Variants in PRKN observed in about 807,000 individuals in gnomAD.
PRKN encodes E3 ubiquitin-protein ligase parkin.
In PRKN, 56 loss-of-function variants were observed where a neutral mutation model predicts 59.5. That is an observed-to-expected ratio of 0.94 (90% CI 0.76 to 1.18). The LOEUF is 1.18. Ranked by LOEUF, PRKN falls within the 50% of genes most tolerant of loss-of-function variation. PRKN has a pLI of 0.00. For synonymous variants in PRKN, 250 were observed against 222.1 expected, an observed-to-expected ratio of 1.13 and a Z score of -1.12; for missense variants, 657 against 596.4, an observed-to-expected ratio of 1.10 and a Z score of -1.06.
intron 6 of PRKN, among the ~76,000 whole-genome samples, chr6:161,872,351 T>C (rs1416666467): frequency 2.0e-5 from 3 of 152,188 alleles, no homozygotes; most frequent in Non-Finnish European, 4.4e-5. Flanking sequence ...CATTTATATA[T>C]TTAAACAGGG....
chr6:162,542,538 T>G (rs567443843), intron 1 of PRKN, among the ~76,000 whole-genome samples: 1 of 152,292 alleles, frequency 6.6e-6, no homozygotes, highest in Admixed American at 6.5e-5. Flanking sequence ...GCTGGTTAAT[T>G]ATCAGAGACA....
intron 7 of PRKN, among the ~76,000 whole-genome samples, chr6:161,676,471 C>T (rs1316566629): frequency 5.3e-5 from 8 of 152,146 alleles, no homozygotes; most frequent in Non-Finnish European, 1.2e-4. Flanking sequence ...GAAAAAATTT[C>T]AAAGAATACT....
At chr6:161,555,924 C>T (rs1482274154) in intron 8 of PRKN, among the ~76,000 whole-genome samples, 1 of 152,154 alleles carries the variant, frequency 6.6e-6, no homozygotes, top group Non-Finnish European at 1.5e-5. Flanking sequence ...ATTTTACCTA[C>T]AAAAATAATT....
At chr6:162,656,616 C>T (rs1778651221) in intron 1 of PRKN, among the ~76,000 whole-genome samples, 1 of 152,102 alleles carries the variant, frequency 6.6e-6, no homozygotes, top group African/African-American at 2.4e-5. Flanking sequence ...TAATTACCTC[C>T]TACCATTCTT....
intron 7 of PRKN, among the ~76,000 whole-genome samples, chr6:161,672,227 T>C (rs1323605668): frequency 6.6e-6 from 1 of 152,120 alleles, no homozygotes; most frequent in Non-Finnish European, 1.5e-5. Context: ...ACTAAATGTA[T>C]AAATTGTATT....
chr6:161,606,720 A>G (rs1782295144), intron 7 of PRKN, among the ~76,000 whole-genome samples: 1 of 152,218 alleles, frequency 6.6e-6, no homozygotes, highest in Admixed American at 6.5e-5. Context: ...GTGCAGCACC[A>G]CCGGAAGGCC....
intron 6 of PRKN, among the ~76,000 whole-genome samples, chr6:161,863,364 A>G (rs976621820): frequency 6.6e-6 from 1 of 151,902 alleles, no homozygotes; most frequent in Non-Finnish European, 1.5e-5. Flanking sequence ...GTTGTTGTGT[A>G]TACGTTTTTA....
intron 1 of PRKN, among the ~76,000 whole-genome samples, chr6:162,658,815 T>A (rs1025929658): frequency 6.6e-6 from 1 of 152,000 alleles, no homozygotes; most frequent in Admixed American, 6.6e-5. Flanking sequence ...ATATAAGTCA[T>A]GTGAATTGCA....
chr6:162,340,456 A>G (rs1784124422), intron 2 of PRKN, among the ~76,000 whole-genome samples: 2 of 152,222 alleles, frequency 1.3e-5, no homozygotes. Context: ...ATTTCCCTGT[A>G]GAAAACTGGC....
intron 2 of PRKN, among the ~76,000 whole-genome samples, chr6:162,389,025 C>CAAAAAAAAAAAAAAAAAAAAAAAAAA (rs59423044): frequency 8.7e-6 from 1 of 114,472 alleles, no homozygotes; most frequent in African/African-American, 3.5e-5. Flanking sequence ...AAAAAAAAAA[C>CAAAAAAAAAAAAAAAAAAAAAAAAAA]AAAAAAACCT....
At chr6:161,898,126 ATAATTGATACTTG>A (rs1284056571) in intron 6 of PRKN, among the ~76,000 whole-genome samples, 1 of 152,134 alleles carries the variant, frequency 6.6e-6, no homozygotes, top group Admixed American at 6.6e-5. Flanking sequence ...CAAAATCACT[ATAATTGATACTTG>A]TAATTGATAC....
At chr6:162,600,889 A>G (rs1240417382) in intron 1 of PRKN, among the ~76,000 whole-genome samples, 3 of 145,012 alleles carry the variant, frequency 2.1e-5, no homozygotes, top group African/African-American at 7.3e-5. Context: ...CAACTTGCAG[A>G]ACCATAAGCC....
intron 2 of PRKN, among the ~76,000 whole-genome samples, chr6:162,291,446 T>G (rs760654411): frequency 1.3e-5 from 2 of 152,060 alleles, no homozygotes; most frequent in Non-Finnish European, 2.9e-5. Flanking sequence ...CATGCCACTT[T>G]CCAGCCCCAC....
At chr6:161,957,417 T>G (rs762248921) in intron 6 of PRKN, among the ~76,000 whole-genome samples, 47 of 115,860 alleles carry the variant, frequency 4.1e-4, no homozygotes, top group East Asian at 6.6e-4. Context: ...TTGTTTTTTT[T>G]TTGTTTGTTT....
intron 4 of PRKN, among the ~76,000 whole-genome samples, chr6:162,103,160 A>G (rs1780049661): frequency 6.6e-6 from 1 of 152,114 alleles, no homozygotes. Flanking sequence ...GAGTTCCACT[A>G]AACTCTCAAG....
In PRKN at chr6:161,352,550, TATC is replaced by T. The variant is rs1185263342; in HGVS notation, c.1286-2342_1286-2340del. On this transcript the variant is annotated intron_variant, in intron 11 of 11. Transcript: ENST00000366898. This position sits in a 1 kb window ranked among gnomAD's most constrained non-coding sequence, Gnocchi z 5.8. ...CTAAAATATCATAAATATTTTATCA[TATC>T]ATAAATATATCATTATTATATCATG... Among the ~76,000 whole-genome samples, 1 of 151,498 alleles carries T rather than the reference TATC, an allele frequency of 6.6e-6. No homozygotes were observed. Among genetic ancestry groups the T allele is most frequent in the South Asian group, 2.1e-4 (1 of 4,824 alleles).
intron 7 of PRKN, among the ~76,000 whole-genome samples, chr6:161,690,838 C>T (rs760151406): frequency 1.8e-4 from 28 of 152,222 alleles, no homozygotes; most frequent in Non-Finnish European, 2.4e-4. Flanking sequence ...CAGCAGCTTT[C>T]GTATGACTCC....
At chr6:161,754,378 G>A (rs1292178856) in intron 7 of PRKN, among the ~76,000 whole-genome samples, 1 of 152,040 alleles carries the variant, frequency 6.6e-6, no homozygotes, top group Non-Finnish European at 1.5e-5. Flanking sequence ...AGACGACCTG[G>A]TTCCGGAGAA....
Position 161,972,507 on chromosome 6 carries a change from C to T in PRKN, c.734+795G>A, listed in dbSNP as rs1174541257. On this transcript the variant is annotated intron_variant, in intron 6 of 11. Transcript: ENST00000366898. ...TCCTACACCGCAATTCGTATTGAGT[C>T]GTTTTCCCTTTTTTTACTAACAGGC... 2.0e-5 allele frequency among the ~76,000 whole-genome samples: 3 copies of T among 152,118 alleles called. No individual in the cohort carries two copies. The East Asian group carries it at 5.8e-4, about 29-fold the overall frequency.
Sources: allele counts gnomAD v4.1 joint callset (sites outside exome capture counted in the v4.1 genomes callset), GRCh38; gene constraint gnomAD v4.1.1; non-coding constraint Gnocchi (gnomAD v3.1); transcripts MANE v1.5; gene names NCBI Gene and HGNC (gene_info 2026-07-23, HGNC 2026-07-21).